Variants in ROCK1 observed in about 807,000 individuals in gnomAD.
ROCK1 encodes the protein Rho associated coiled-coil containing protein kinase 1, also known as rho-associated protein kinase 1.
A neutral mutation model predicts 196.8 loss-of-function variants in ROCK1; 36 were observed. The observed-to-expected ratio is 0.18, with a 90% CI of 0.14 to 0.24. ROCK1 has a LOEUF of 0.24. ROCK1 is among the 10% of genes least tolerant of loss of function. ROCK1 has a pLI of 1.00. For missense variants in ROCK1, 920 were observed against 1,562.0 expected (o/e 0.59, Z 6.93); for synonymous variants, 443 against 515.9 (o/e 0.86, Z 1.91).
chr18:20,996,838 TGTTA>T (rs1429235601), intron 16 of ROCK1, among the ~76,000 whole-genome samples: 1 of 152,242 alleles, frequency 6.6e-6, no homozygotes, highest in Non-Finnish European at 1.5e-5. Flanking sequence ...TTTGCTTGTT[TGTTA>T]GTTTGTTAAT....
chr18:21,072,563 A>G (rs920199403), intron 1 of ROCK1, among the ~76,000 whole-genome samples: 18 of 152,238 alleles, frequency 1.2e-4, no homozygotes, highest in Admixed American at 5.2e-4. Context: ...AATAATGCAG[A>G]TAAGACTTCC....
chr18:20,998,947 C>T (rs867725324), intron 16 of ROCK1, among the ~76,000 whole-genome samples: 5 of 152,096 alleles, frequency 3.3e-5, no homozygotes, highest in Non-Finnish European at 5.9e-5. Flanking sequence ...AACAATCCTA[C>T]TCAAACTATT....
intron 2 of ROCK1, among the ~76,000 whole-genome samples, chr18:21,051,299 T>A (rs556087883): frequency 3.9e-5 from 6 of 152,104 alleles, no homozygotes; most frequent in East Asian, 1.9e-4. Flanking sequence ...AATATTTTTT[T>A]AAAAATTAGC....
intron 16 of ROCK1, among the ~76,000 whole-genome samples, chr18:21,001,234 G>C (rs2035721403): frequency 6.6e-6 from 1 of 152,172 alleles, no homozygotes; most frequent in South Asian, 2.1e-4. Flanking sequence ...GGTAAATTCA[G>C]AGACAGAAAG....
In ROCK1 at chr18:20,971,326, A is replaced by ACACACG. The variant is rs1471278414; in HGVS notation, c.2655-814_2655-813insCGTGTG. 1.3e-4 allele frequency among the ~76,000 whole-genome samples: 9 copies of ACACACG among 68,334 alleles called. No homozygotes were observed. In the Middle Eastern group the frequency reaches 0.02, roughly 150 times the overall value. 44.8% of individuals were successfully genotyped at this position (68,334 alleles called of 152,430 possible). On this transcript the variant is annotated intron_variant, in intron 22 of 32. Coordinates refer to ENST00000399799, the MANE Select transcript of ROCK1 (RefSeq NM_005406.3). Reference sequence around the variant, plus strand: ...AACATACACACACACACACACACACACACACACACACACACACATACACAC... The same window carrying ACACACG: ...AACATACACACACACACACACACACACACACGCACACACACACACACACATACACAC...
chr18:20,982,963 C>A (rs1347083612), intron 20 of ROCK1, 131 bp from the exon 21 acceptor site: 1 of 527,224 alleles, frequency 1.9e-6, no homozygotes, highest in South Asian at 2.7e-5. Context: ...AAACATACTT[C>A]ATTATTCATT....
chr18:21,007,966 T>C, intron 14 of ROCK1, 93 bp downstream of exon 14: 1 of 852,320 alleles, frequency 1.2e-6, no homozygotes, highest in Non-Finnish European at 1.7e-6. Context: ...CTTAGGATTG[T>C]AGCTTCATGT....
intron 19 of ROCK1, among the ~76,000 whole-genome samples, chr18:20,986,226 T>C (rs903387279): frequency 3.3e-5 from 5 of 152,178 alleles, no homozygotes; most frequent in Non-Finnish European, 7.4e-5. Context: ...CTACTCAACA[T>C]GTCTTCGTTT....
chr18:21,008,448 A>G (rs2035787238), intron 13 of ROCK1, among the ~76,000 whole-genome samples: 1 of 152,172 alleles, frequency 6.6e-6, no homozygotes, highest in South Asian at 2.1e-4. Flanking sequence ...TAATTTTTCT[A>G]TTTTTGGTAG....
intron 2 of ROCK1, among the ~76,000 whole-genome samples, chr18:21,067,545 G>A (rs2036347032): frequency 1.3e-5 from 2 of 151,828 alleles, no homozygotes; most frequent in African/African-American, 4.8e-5. Flanking sequence ...CTGCCAACAT[G>A]TCTGCTAATT....
At position 21,099,633 on chromosome 18, in the gene ROCK1, C is replaced by T. The variant is rs116857175; in HGVS notation, c.93+11185G>A. 1.8e-3 allele frequency among the ~76,000 whole-genome samples: 276 copies of T among 152,186 alleles called. 5 individuals are homozygous for T. The East Asian group carries it at 0.042, about 23-fold the overall frequency. ...GGTAACACGTGCCTATAGTCCCAGC[C>T]GCTCAGGAAACTGAAGTGAGAGAAT... On this transcript the variant is annotated intron_variant, in intron 1 of 32. Transcript: ENST00000399799.
chr18:21,049,168 A>G lies in ROCK1; in HGVS notation c.338T>C (p.Ile113Thr), dbSNP rs1360949293. The change falls in exon 4 of 33, where the codon ATA becomes ACA. Residue 113 changes from isoleucine to threonine, a missense_variant. Transcript: ENST00000399799. Reference sequence around the variant, plus strand: ...GAAAAAAGCAGAATCAGATCTCTTTATCATTTCAAATTTGCTGAGAAGCTT... The same window carrying G: ...GAAAAAAGCAGAATCAGATCTCTTTGTCATTTCAAATTTGCTGAGAAGCTT... The part of the protein sequence containing the change: ...AMKLLSKFEM[I>T]KRSDSAFFWE... 6.2e-7 allele frequency: 1 copy of G among 1,612,306 alleles called. No homozygotes were observed. The highest frequency in any genetic ancestry group is 1.1e-5 in the South Asian group (1 of 90,860).
At chr18:20,992,094 G>T (rs768989293) in intron 17 of ROCK1, among the ~76,000 whole-genome samples, 37 of 152,136 alleles carry the variant, frequency 2.4e-4, no homozygotes, top group Admixed American at 3.9e-4. Flanking sequence ...AAGGAAAAAT[G>T]AGTCAAAATA....
At chr18:21,081,179 C>A (rs1291327032) in intron 1 of ROCK1, among the ~76,000 whole-genome samples, 1 of 152,080 alleles carries the variant, frequency 6.6e-6, no homozygotes, top group African/African-American at 2.4e-5. Context: ...CTTTTCCAAT[C>A]ACAATGGAAT....
intron 32 of ROCK1, among the ~76,000 whole-genome samples, chr18:20,952,325 T>A (rs2035196659): frequency 6.6e-6 from 1 of 151,992 alleles, no homozygotes; most frequent in Admixed American, 6.6e-5. Flanking sequence ...GAGGTTGCAG[T>A]GAGCTGAGAT....
intron 1 of ROCK1, among the ~76,000 whole-genome samples, chr18:21,085,084 T>C (rs1423884320): frequency 2.6e-5 from 4 of 152,224 alleles, no homozygotes; most frequent in East Asian, 3.9e-4. Context: ...GAGATTACCA[T>C]AGGCTGGAGG....
Position 20,970,533 on chromosome 18 carries a change from GA to G in ROCK1, c.2655-21del. 6.4e-7 allele frequency: 1 copy of G among 1,565,262 alleles called. No homozygotes were observed. Among genetic ancestry groups the G allele is most frequent in the Admixed American group, 1.8e-5 (1 of 56,818 alleles). ...GTTTCTCTGCAACAATTTTTTAAGA[GA>G]AACTGATGTAAACAAATTCAGTTCA... On this transcript the variant is annotated intron_variant, in intron 22 of 32. Coordinates refer to ENST00000399799, the MANE Select transcript of ROCK1 (RefSeq NM_005406.3).
At chr18:21,049,305 A>G in intron 3 of ROCK1, 76 bp from the exon 4 acceptor site, 1 of 1,131,370 alleles carries the variant, frequency 8.8e-7, no homozygotes, top group Non-Finnish European at 1.2e-6. Flanking sequence ...ACAATTTACT[A>G]AGTGCTTTTA....
At chr18:21,041,551 T>C (rs1422528645) in intron 8 of ROCK1, among the ~76,000 whole-genome samples, 1 of 152,060 alleles carries the variant, frequency 6.6e-6, no homozygotes, top group Non-Finnish European at 1.5e-5. Flanking sequence ...AAAATGCTTG[T>C]TGGATCTACA....
Sources: gnomAD v4.1 joint callset for allele counts (sites outside exome capture counted in the v4.1 genomes callset) on GRCh38, gnomAD v4.1.1 for gene constraint, MANE v1.5 for transcripts, NCBI Gene and HGNC (gene_info 2026-07-23, HGNC 2026-07-21) for gene names.